The following MEPCE variants were observed in gnomAD, a reference collection of about 807,000 sequenced individuals.
MEPCE encodes methylphosphate capping enzyme, also known as 7SK snRNA methylphosphate capping enzyme.
MEPCE carries 9 observed loss-of-function variants against 52.3 expected under a neutral mutation model. The ratio of observed to expected loss-of-function variants is 0.17; its 90% CI spans 0.10 to 0.30. The LOEUF (loss-of-function observed/expected upper bound fraction) is 0.30, where lower values mean the gene tolerates loss of function less well. MEPCE is among the 10% of genes least tolerant of loss of function. The probability of loss-of-function intolerance (pLI) is 1.00; values close to 1 mark genes in which losing one functional copy is unlikely to be tolerated. For missense variants in MEPCE, 826 were observed against 933.0 expected (o/e 0.89, Z 1.49); for synonymous variants, 477 against 401.6 (o/e 1.19, Z -2.25).
intron 1 of MEPCE, among the ~76,000 whole-genome samples, chr7:100,432,382 T>C (rs1209726805): frequency 6.6e-6 from 1 of 152,170 alleles, no homozygotes; most frequent in African/African-American, 2.4e-5. Flanking sequence ...GGCATTGTGT[T>C]GGGTTAAGCC....
Position 100,431,018 on chromosome 7 carries a change from T to A in MEPCE, c.1000T>A (p.Ser334Thr), listed in dbSNP as rs920284246. 1.2e-6 allele frequency: 2 copies of A among 1,613,846 alleles called. No homozygotes were observed. The highest frequency in any genetic ancestry group is 1.7e-6 in the Non-Finnish European group (2 of 1,179,982). ...CRDEVVSPLP[S>T]ALQGPSGSLS... ...GGATGAAGTGGTGTCTCCCCTTCCA[T>A]CTGCTCTGCAGGGTCCCTCAGGCTC... Residue 334 changes from serine (S) to threonine (T), a missense_variant, in exon 1 of 4, where the codon TCT becomes ACT. Transcript: ENST00000310512.
Position 100,433,564 on chromosome 7 carries a change from T to C in MEPCE, c.*10T>C. On this transcript the variant is annotated 3_prime_UTR_variant, in exon 4 of 4. Coordinates refer to ENST00000310512, the MANE Select transcript of MEPCE (RefSeq NM_019606.6). ...ATCCCCCAGCCACTAAGTGGCCCCC[T>C]AAACAGAAAGTGTGAAGAGGCTGCC... 1 of 1,611,728 alleles carries C rather than the reference T, an allele frequency of 6.2e-7. No individual in the cohort carries two copies. Among genetic ancestry groups the C allele is most frequent in the Non-Finnish European group, 8.5e-7 (1 of 1,179,838 alleles).
rs2130995108 is a variant in MEPCE at position 100,429,920 on chromosome 7, G to T, written c.-99G>T. The T allele has an allele frequency of 1.0e-6, 1 of 962,548 alleles. No individual in the cohort carries two copies. Among genetic ancestry groups the T allele is most frequent in the East Asian group, 3.3e-5 (1 of 30,456 alleles). 59.6% of individuals were successfully genotyped at this position (962,548 alleles called of 1,614,324 possible). A position where few individuals can be genotyped will look rare whatever the true frequency, so the allele number is the denominator to read the frequency against. ...AGGCGTGAAGAGCAGAGCTGCGCGC[G>T]CACTCGGGAAAGGGGGGAAGGGAGC... On this transcript the variant is annotated 5_prime_UTR_variant, in exon 1 of 4. Coordinates refer to ENST00000310512, the MANE Select transcript of MEPCE (RefSeq NM_019606.6).
chr7:100,430,063 CCCG>C lies in MEPCE; in HGVS notation c.56_58del (p.Pro19del), dbSNP rs571117263. The C allele has an allele frequency of 1.8e-5, 23 of 1,266,694 alleles. No homozygotes were observed. The South Asian group carries it at 2.3e-4, about 13-fold the overall frequency. 78.5% of individuals were successfully genotyped at this position (1,266,694 alleles called of 1,614,324 possible). On this transcript the variant is annotated inframe_deletion, in exon 1 of 4. Transcript: ENST00000310512. ...AGAAGGAGCCGTTTCTGGTGCCGGC[CCCG>C]CCGCCGCCGCTCAAAGATGAGTCGG...
rs778223731 is a variant in MEPCE, at chr7:100,433,104, C to G, written c.1857C>G (p.Pro619=). The G allele has an allele frequency of 6.6e-5, 106 of 1,613,912 alleles. No individual in the cohort carries two copies. Among genetic ancestry groups the G allele is most frequent in the Non-Finnish European group, 8.7e-5 (103 of 1,180,052 alleles). The change falls in exon 2 of 4, where the codon CCC becomes CCG. Residue 619 remains proline, a synonymous_variant. Transcript: ENST00000310512. ...GCATCCTGGTCCTAGAGCCCCAACC[C>G]TGGTCGTCGTATGGCAAGAGAAAGA... is the stretch of plus-strand genomic sequence containing the variant. The part of the protein sequence containing the change: ...PGGILVLEPQ[P]WSSYGKRKTL...
Position 100,430,204 on chromosome 7 carries a change from C to A in MEPCE, c.186C>A (p.Ala62=). Residue 62 remains alanine, a synonymous_variant, in exon 1 of 4, where the codon GCC becomes GCA. Coordinates refer to ENST00000310512, the MANE Select transcript of MEPCE (RefSeq NM_019606.6). The part of the protein sequence containing the change: ...GRCAPSAGSP[A]AAVGRESPGA... The stretch of plus-strand genomic sequence containing the variant: ...GCGCGCCATCTGCGGGGTCCCCAGC[C>A]GCTGCGGTCGGTCGGGAAAGCCCCG... 7.6e-7 allele frequency: 1 copy of A among 1,311,684 alleles called. No individual in the cohort carries two copies. Among genetic ancestry groups the A allele is most frequent in the East Asian group, 3.1e-5 (1 of 32,292 alleles). 81.3% of individuals were successfully genotyped at this position (1,311,684 alleles called of 1,614,324 possible).
chr7:100,428,816 C>CAGTGAGCGGGCGTCGGG (rs1798265452), upstream of MEPCE: 1 of 152,222 alleles, frequency 6.6e-6, no homozygotes, highest in Non-Finnish European at 1.5e-5. Flanking sequence ...ACTGACGGGC[C>CAGTGAGCGGGCGTCGGG]AGTGAGCGGG....
chr7:100,429,925 CGGGAAAGGG>C lies in MEPCE; in HGVS notation c.-88_-80del. 9.6e-7 allele frequency: 1 copy of C among 1,037,766 alleles called. No individual in the cohort carries two copies. Among genetic ancestry groups the C allele is most frequent in the East Asian group, 3.3e-5 (1 of 30,646 alleles). The allele number at this position is 1,037,766 out of a possible 1,614,324, so 64.3% of individuals were successfully genotyped here. A position where few individuals can be genotyped will look rare whatever the true frequency, so the allele number is the denominator to read the frequency against. On this transcript the variant is annotated 5_prime_UTR_variant, in exon 1 of 4. Coordinates refer to ENST00000310512, the MANE Select transcript of MEPCE (RefSeq NM_019606.6). ...TGAAGAGCAGAGCTGCGCGCGCACT[CGGGAAAGGG>C]GGGAAGGGAGCAGGGTCCAGGCAGG...
chr7:100,430,239 C>T lies in MEPCE; in HGVS notation c.221C>T (p.Ala74Val). The T allele has an allele frequency of 7.5e-7, 1 of 1,337,838 alleles. No individual in the cohort carries two copies. Among genetic ancestry groups the T allele is most frequent in the Non-Finnish European group, 9.5e-7 (1 of 1,049,048 alleles). 82.9% of individuals were successfully genotyped at this position (1,337,838 alleles called of 1,614,324 possible). ...AVGRESPGAA[A>V]TSSSGPQAQQ... is the part of the protein sequence containing the mutation. ...GGTCGGGAAAGCCCCGGGGCCGCGG[C>T]CACCTCCTCCAGTGGTCCCCAGGCG... is the stretch of plus-strand genomic sequence containing the variant. The change falls in exon 1 of 4, where the codon GCC (alanine) becomes GTC (valine). Residue 74 changes from alanine to valine, a missense_variant. Ala to Val is a moderately conservative substitution (Grantham distance 64). Around this residue, in one of 7 missense-constraint regions of MEPCE, gnomAD observed 314 missense variants for 277.7 expected, o/e 1.13. Transcript: ENST00000310512.
rs927952129 is a variant in MEPCE at position 100,430,059 on chromosome 7, C to G, written c.41C>G (p.Pro14Arg). The G allele has an allele frequency of 1.4e-5, 18 of 1,267,398 alleles. No homozygotes were observed. The highest frequency in any genetic ancestry group is 2.2e-4 in the Middle Eastern group (1 of 4,584). 78.5% of individuals were successfully genotyped at this position (1,267,398 alleles called of 1,614,324 possible). The change falls in exon 1 of 4, where the codon CCG becomes CGG. Residue 14 changes from proline (P) to arginine (R), a missense_variant. Transcript: ENST00000310512. ...GCGGAGAAGGAGCCGTTTCTGGTGC[C>G]GGCCCCGCCGCCGCCGCTCAAAGAT... Reference protein sequence around the residue: ...MAAEKEPFLVPAPPPPLKDES... With the variant: ...MAAEKEPFLVRAPPPPLKDES...
chr7:100,433,076 G>C lies in MEPCE; in HGVS notation c.1829G>C (p.Gly610Ala), dbSNP rs777446846. The change falls in exon 2 of 4, where the codon GGG (glycine) becomes GCG (alanine). Residue 610 changes from glycine to alanine, a missense_variant. Around this residue, in one of 7 missense-constraint regions of MEPCE, gnomAD observed 82 missense variants for 121.4 expected, o/e 0.68. Transcript: ENST00000310512. ...FRRIYRHLRP[G>A]GILVLEPQPW... is the part of the protein sequence containing the mutation. ...CGGATCTACCGGCACCTACGCCCTG[G>C]GGGCATCCTGGTCCTAGAGCCCCAA... The C allele has an allele frequency of 1.9e-6, 3 of 1,613,936 alleles. No individual in the cohort carries two copies. The African/African-American group carries it at 4.0e-5, about 22-fold the overall frequency.
chr7:100,430,116 C>T lies in MEPCE; in HGVS notation c.98C>T (p.Pro33Leu). The change falls in exon 1 of 4, where the codon CCA becomes CTA. Residue 33 changes from proline to leucine, a missense_variant. By Grantham distance (98) the Pro-to-Leu change is moderately conservative. Around this residue, in one of 7 missense-constraint regions of MEPCE, gnomAD observed 314 missense variants for 277.7 expected, o/e 1.13. Transcript: ENST00000310512. ...GGCGGAGGGGGCGGCCCCACGGTGCCACCGCACCAAGAGGCCGCCTCTGGG... is the reference window on the plus strand; with the variant it reads ...GGCGGAGGGGGCGGCCCCACGGTGCTACCGCACCAAGAGGCCGCCTCTGGG... ...ESGGGGGPTVPPHQEAASGEL... is the reference protein window; with the variant it reads ...ESGGGGGPTVLPHQEAASGEL... The T allele has an allele frequency of 1.6e-6, 2 of 1,264,282 alleles. No homozygotes were observed. The highest frequency in any genetic ancestry group is 2.0e-6 in the Non-Finnish European group (2 of 1,005,006). The allele number at this position is 1,264,282 out of a possible 1,614,324, so 78.3% of individuals were successfully genotyped here. A position where few individuals can be genotyped will look rare whatever the true frequency, so the allele number is the denominator to read the frequency against.
rs1309521660 is a variant in MEPCE at position 100,431,805 on chromosome 7, G to A, written c.1671+116G>A. ...TCAAAAGAGGGGTCTGGGTTGGCAA[G>A]TGAGAGCCTCTGCTGGGCGTCTCTC... On this transcript the variant is annotated intron_variant, in intron 1 of 3. Transcript: ENST00000310512. 3.0e-6 allele frequency: 3 copies of A among 993,900 alleles called. No individual in the cohort carries two copies. The African/African-American group carries it at 4.9e-5, about 16-fold the overall frequency. 61.6% of individuals were successfully genotyped at this position (993,900 alleles called of 1,614,324 possible).
rs1433111516 is a variant in MEPCE at position 100,433,731 on chromosome 7, C to G, written c.*177C>G. On this transcript the variant is annotated 3_prime_UTR_variant, in exon 4 of 4. Coordinates refer to ENST00000310512, the MANE Select transcript of MEPCE (RefSeq NM_019606.6). ...CTCAGCCTCCTCCCTATGCCTCTGG[C>G]ACCTGCGCAGCAAGGCTGGCTGTGC... The G allele has an allele frequency of 1.5e-6, 1 of 648,398 alleles. No individual in the cohort carries two copies. 40.2% of individuals were successfully genotyped at this position (648,398 alleles called of 1,614,324 possible).
At position 100,433,541 on chromosome 7, in the gene MEPCE, C is replaced by T. The variant is rs976421804; in HGVS notation, c.2057C>T (p.Ser686Phe). The change falls in exon 4 of 4, where the codon TCC (serine) becomes TTC (phenylalanine). Residue 686 changes from serine (S) to phenylalanine (F), a missense_variant. Ser to Phe is a radical substitution (Grantham distance 155). This residue lies in a region of MEPCE where 82 missense variants were observed against 121.4 expected (regional missense o/e 0.68). Transcript: ENST00000310512. ...GTGTACCTGTTCCACAAGGCCCGAT[C>T]CCCCAGCCACTAAGTGGCCCCCTAA... ...RPVYLFHKAR[S>F]PSH 20 of 1,612,894 alleles carry T rather than the reference C, an allele frequency of 1.2e-5. No homozygotes were observed. In the East Asian group the frequency reaches 4.0e-4, roughly 32 times the overall value.
upstream of MEPCE, chr7:100,429,168 T>C (rs746668891): frequency 6.6e-6 from 1 of 152,144 alleles, no homozygotes. Flanking sequence ...GGGGGAGGTT[T>C]GCTACCAACA....
chr7:100,430,886 C>G lies in MEPCE; in HGVS notation c.868C>G (p.Leu290Val), dbSNP rs1295775772. 1.9e-6 allele frequency: 3 copies of G among 1,609,378 alleles called. No homozygotes were observed. The highest frequency in any genetic ancestry group is 1.7e-5 in the Admixed American group (1 of 59,820). The part of the protein sequence containing the change: ...ESHPVPPTAP[L>V]TPLLHGEGAS... ...TCACCCCGTGCCGCCCACAGCCCCT[C>G]TCACCCCCTTACTCCACGGGGAGGG... The change falls in exon 1 of 4, where the codon CTC (leucine) becomes GTC (valine). Residue 290 changes from leucine (L) to valine (V), a missense_variant. This residue lies in a region of MEPCE where 307 missense variants were observed against 292.1 expected (regional missense o/e 1.05). Coordinates refer to ENST00000310512, the MANE Select transcript of MEPCE (RefSeq NM_019606.6).
Position 100,430,309 on chromosome 7 carries a change from G to T in MEPCE, c.291G>T (p.Glu97Asp), listed in dbSNP as rs1371312311. 6.3e-6 allele frequency: 9 copies of T among 1,418,994 alleles called. No individual in the cohort carries two copies. Among genetic ancestry groups the T allele is most frequent in the Non-Finnish European group, 9.2e-7 (1 of 1,090,210 alleles). 87.9% of individuals were successfully genotyped at this position (1,418,994 alleles called of 1,614,324 possible). A position where few individuals can be genotyped will look rare whatever the true frequency, so the allele number is the denominator to read the frequency against. Residue 97 changes from glutamate (E) to aspartate (D), a missense_variant, in exon 1 of 4, where the codon GAG becomes GAT. Transcript: ENST00000310512. ...GGGPQAQSHG[E>D]ARLSDPPGRA... is the part of the protein sequence containing the mutation. ...GCCCCCAGGCGCAGTCGCATGGGGA[G>T]GCCCGCCTGTCGGATCCCCCGGGGC...
In MEPCE at chr7:100,430,074, C is replaced by G. The variant is rs920693021; in HGVS notation, c.56C>G (p.Pro19Arg). The G allele has an allele frequency of 7.9e-7, 1 of 1,265,774 alleles. No individual in the cohort carries two copies. The highest frequency in any genetic ancestry group is 1.5e-5 in the African/African-American group (1 of 64,596). The allele number at this position is 1,265,774 out of a possible 1,614,324, so 78.4% of individuals were successfully genotyped here. A position where few individuals can be genotyped will look rare whatever the true frequency, so the allele number is the denominator to read the frequency against. Residue 19 changes from proline to arginine, a missense_variant, in exon 1 of 4, where the codon CCG becomes CGG. By Grantham distance (103) the Pro-to-Arg change is moderately radical. This residue lies in a region of MEPCE where 314 missense variants were observed against 277.7 expected (regional missense o/e 1.13). Transcript: ENST00000310512. ...TTTCTGGTGCCGGCCCCGCCGCCGC[C>G]GCTCAAAGATGAGTCGGGCGGAGGG... ...EPFLVPAPPP[P>R]LKDESGGGGG...
Sources: allele counts gnomAD v4.1 joint callset (sites outside exome capture counted in the v4.1 genomes callset), GRCh38; gene constraint gnomAD v4.1.1; regional missense constraint gnomAD v4.1.1; transcripts MANE v1.5; gene names NCBI Gene and HGNC (gene_info 2026-07-23, HGNC 2026-07-21).